Variants in DNAI2 observed in about 807,000 individuals in gnomAD.
DNAI2 encodes the protein dynein axonemal intermediate chain 2.
In DNAI2, 63 loss-of-function variants were observed where a neutral mutation model predicts 74.7. The ratio of observed to expected loss-of-function variants is 0.84; its 90% CI spans 0.69 to 1.04. DNAI2 has a LOEUF of 1.04. Among genes scored for constraint, DNAI2 ranks in the 50% least tolerant of loss-of-function variants. DNAI2 has a pLI of 0.00. For missense variants in DNAI2, 688 were observed against 803.2 expected, an observed-to-expected ratio of 0.86 and a Z score of 1.73; for synonymous variants, 289 against 314.9, an observed-to-expected ratio of 0.92 and a Z score of 0.87.
intron 9 of DNAI2, 29 bp downstream of exon 9, chr17:74,305,471 G>A: frequency 6.2e-7 from 1 of 1,605,884 alleles, no homozygotes; most frequent in Non-Finnish European, 8.5e-7. Context: ...GACAGGAGGG[G>A]ATGCAGGAGA....
intron 12 of DNAI2, among the ~76,000 whole-genome samples, chr17:74,313,511 T>C (rs548458981): frequency 3.0e-4 from 46 of 152,324 alleles, no homozygotes; most frequent in African/African-American, 1.1e-3. Flanking sequence ...AAGATGACAC[T>C]GGCCACCTTT....
chr17:74,276,944 T>A (rs1207139782), intron 1 of DNAI2, among the ~76,000 whole-genome samples: 1 of 152,112 alleles, frequency 6.6e-6, no homozygotes, highest in Non-Finnish European at 1.5e-5. Context: ...TGCCACGGGA[T>A]TTGCATGCTT....
chr17:74,281,330 C>A (rs2051377218), intron 1 of DNAI2, among the ~76,000 whole-genome samples: 1 of 149,576 alleles, frequency 6.7e-6, no homozygotes, highest in Non-Finnish European at 1.5e-5. Context: ...GTGATCTCGG[C>A]TCACTGCAAC....
Position 74,300,348 on chromosome 17 carries a change from C to T in DNAI2, c.864+491C>T, listed in dbSNP as rs2052690731. On this transcript the variant is annotated intron_variant, in intron 7 of 13. Coordinates refer to ENST00000311014, the MANE Select transcript of DNAI2 (RefSeq NM_023036.6). This position sits in a 1 kb window ranked among gnomAD's most constrained non-coding sequence, Gnocchi z 4.5. ...GCCTTCCTCTCACCTCTGCCTGCACCTCCTCCCCTCCCTCCCTCTCTTATG... is the reference window on the plus strand; with the variant it reads ...GCCTTCCTCTCACCTCTGCCTGCACTTCCTCCCCTCCCTCCCTCTCTTATG... Among the ~76,000 whole-genome samples the T allele has an allele frequency of 6.6e-6, 1 of 152,160 alleles. No individual in the cohort carries two copies. The highest frequency in any genetic ancestry group is 1.5e-5 in the Non-Finnish European group (1 of 68,042).
chr17:74,305,410 A>G lies in DNAI2; in HGVS notation c.1179A>G (p.Glu393=), dbSNP rs146478497. 40 of 1,614,060 alleles carry G rather than the reference A, an allele frequency of 2.5e-5. No individual in the cohort carries two copies. The African/African-American group carries it at 4.7e-4, about 19-fold the overall frequency. The change falls in exon 9 of 14, where the codon GAA becomes GAG. Residue 393 remains glutamate, a synonymous_variant. Coordinates refer to ENST00000311014, the MANE Select transcript of DNAI2 (RefSeq NM_023036.6). ...ACTGGACAGCCCGCATTTGGTCTGA[A>G]GACAGCCGGGAATCGTCCATCATGT... ...VGDWTARIWS[E]DSRESSIMWT...
chr17:74,299,615 C>A (rs893799723), intron 6 of DNAI2, 103 bp from the exon 7 acceptor site: 39 of 1,502,144 alleles, frequency 2.6e-5, no homozygotes, highest in Middle Eastern at 1.9e-4. Flanking sequence ...AAACCACATA[C>A]CTGCCAAACC....
chr17:74,305,545 G>A, intron 9 of DNAI2, 103 bp downstream of exon 9: 1 of 1,058,408 alleles, frequency 9.4e-7, no homozygotes, highest in Non-Finnish European at 1.4e-6. Flanking sequence ...ATGTAAAATG[G>A]AGAAAAACCT....
intron 1 of DNAI2, among the ~76,000 whole-genome samples, chr17:74,280,088 T>C (rs896312188): frequency 6.6e-6 from 1 of 151,912 alleles, no homozygotes; most frequent in African/African-American, 2.4e-5. Context: ...GGTACACAGG[T>C]CAAAGCGCCA....
intron 2 of DNAI2, among the ~76,000 whole-genome samples, chr17:74,284,794 AG>A (rs2051611745): frequency 1.3e-5 from 2 of 152,230 alleles, no homozygotes; most frequent in African/African-American, 4.8e-5. Flanking sequence ...AGGTCAGAAC[AG>A]GATTTTCATG....
intron 4 of DNAI2, among the ~76,000 whole-genome samples, chr17:74,288,474 G>T (rs1274541828): frequency 6.6e-6 from 1 of 152,214 alleles, no homozygotes; most frequent in East Asian, 1.9e-4. Flanking sequence ...TATATGTGTA[G>T]ATGTATGTTT....
Position 74,300,759 on chromosome 17 carries a change from T to C in DNAI2, c.865-287T>C, listed in dbSNP as rs2052713437. Among the ~76,000 whole-genome samples, 1 of 152,194 alleles carries C rather than the reference T, an allele frequency of 6.6e-6. No individual in the cohort carries two copies. Among genetic ancestry groups the C allele is most frequent in the Non-Finnish European group, 1.5e-5 (1 of 68,038 alleles). ...CCTTATTGTGGGGAGTCTTGGCATATACCGATTCTTGGCCTTGCACCTGGA... is the reference window on the plus strand; with the variant it reads ...CCTTATTGTGGGGAGTCTTGGCATACACCGATTCTTGGCCTTGCACCTGGA... On this transcript the variant is annotated intron_variant, in intron 7 of 13. Transcript: ENST00000311014. The surrounding 1 kb of genome is among the most constrained non-coding windows in gnomAD (Gnocchi z 4.5).
chr17:74,285,109 G>T lies in DNAI2; in HGVS notation c.253G>T (p.Val85Leu). 6.2e-7 allele frequency: 1 copy of T among 1,614,228 alleles called. No homozygotes were observed. The highest frequency in any genetic ancestry group is 8.5e-7 in the Non-Finnish European group (1 of 1,180,038). Residue 85 changes from valine to leucine, a missense_variant, in exon 3 of 14, where the codon GTG becomes TTG. Physicochemically the swap from Val to Leu is conservative, Grantham distance 32. Coordinates refer to ENST00000311014, the MANE Select transcript of DNAI2 (RefSeq NM_023036.6). ...NHVEGGWPKD[V>L]NPLELEQTIR... ...TGTCGAGGGGGGCTGGCCCAAGGAC[G>T]TGAACCCCCTGGAGCTGGAGCAGAC...
At chr17:74,290,963 T>C in intron 5 of DNAI2, 57 bp from the exon 6 acceptor site, 2 of 1,508,354 alleles carry the variant, frequency 1.3e-6, no homozygotes, top group Non-Finnish European at 1.8e-6. Context: ...GTGAAACTGG[T>C]TGATCCTGTC....
intron 5 of DNAI2, among the ~76,000 whole-genome samples, 183 bp from the exon 6 acceptor site, chr17:74,290,837 C>T (rs1273913933): frequency 6.6e-6 from 1 of 152,234 alleles, no homozygotes; most frequent in Non-Finnish European, 1.5e-5. Flanking sequence ...CCCCTAGGGT[C>T]AAGAATGCCA....
chr17:74,299,406 G>C (rs2052627036), intron 6 of DNAI2, among the ~76,000 whole-genome samples: 1 of 152,014 alleles, frequency 6.6e-6, no homozygotes, highest in African/African-American at 2.4e-5. Flanking sequence ...GGCCTTCCCT[G>C]ACCACCCTCA....
chr17:74,294,089 G>C (rs367953403), intron 6 of DNAI2, among the ~76,000 whole-genome samples: 14 of 151,438 alleles, frequency 9.2e-5, no homozygotes, highest in Non-Finnish European at 1.9e-4. Flanking sequence ...AGCTTGGATC[G>C]TGGTTTTTTC....
chr17:74,314,271 G>T lies in DNAI2; in HGVS notation c.*55G>T. The T allele has an allele frequency of 6.2e-7, 1 of 1,611,094 alleles. No individual in the cohort carries two copies. The highest frequency in any genetic ancestry group is 2.2e-5 in the East Asian group (1 of 44,726). ...TGTGTGCCTTCCTTTCCCACCTCTTGGTATTGCCCCGCTCTCACAAGTGGG... is the reference window on the plus strand; with the variant it reads ...TGTGTGCCTTCCTTTCCCACCTCTTTGTATTGCCCCGCTCTCACAAGTGGG... On this transcript the variant is annotated splice_region_variant and 3_prime_UTR_variant, in exon 13 of 14. Coordinates refer to ENST00000311014, the MANE Select transcript of DNAI2 (RefSeq NM_023036.6).
At chr17:74,302,765 C>T (rs574388553) in intron 8 of DNAI2, among the ~76,000 whole-genome samples, 1 of 152,180 alleles carries the variant, frequency 6.6e-6, no homozygotes, top group African/African-American at 2.4e-5. Flanking sequence ...CTGGTTCCCC[C>T]TTGGGGGTGT....
intron 11 of DNAI2, among the ~76,000 whole-genome samples, chr17:74,310,666 G>A (rs1484389083): frequency 6.6e-6 from 1 of 151,644 alleles, no homozygotes; most frequent in African/African-American, 2.4e-5. Flanking sequence ...AGCCTCCTGA[G>A]TACCTGGGAT....
Sources: allele counts gnomAD v4.1 joint callset (sites outside exome capture counted in the v4.1 genomes callset), GRCh38; gene constraint gnomAD v4.1.1; non-coding constraint Gnocchi (gnomAD v3.1); transcripts MANE v1.5; gene names NCBI Gene and HGNC (gene_info 2026-07-23, HGNC 2026-07-21).